Variants in ST8SIA5 observed in about 807,000 individuals in gnomAD.
ST8SIA5 encodes alpha-2,8-sialyltransferase 8E.
In ST8SIA5, 24 loss-of-function variants were observed where a neutral mutation model predicts 40.2. That is an observed-to-expected ratio of 0.60 (90% confidence interval 0.43 to 0.84). ST8SIA5 has a LOEUF of 0.84. ST8SIA5 is among the 40% of genes least tolerant of loss of function. The probability of loss-of-function intolerance (pLI) is 0.00; values close to 1 mark genes in which losing one functional copy is unlikely to be tolerated. For synonymous variants in ST8SIA5, 198 were observed against 201.8 expected, an observed-to-expected ratio of 0.98 and a Z score of 0.16; for missense variants, 465 against 498.5, an observed-to-expected ratio of 0.93 and a Z score of 0.64.
At chr18:46,753,981 T>C (rs2040218431) in intron 1 of ST8SIA5, among the ~76,000 whole-genome samples, 1 of 152,146 alleles carries the variant, frequency 6.6e-6, no homozygotes, top group South Asian at 2.1e-4. Context: ...CAGTTGGTTC[T>C]GATTCAGGCC....
chr18:46,748,358 G>A (rs1051840989), intron 1 of ST8SIA5, among the ~76,000 whole-genome samples: 1 of 152,022 alleles, frequency 6.6e-6, no homozygotes, highest in Non-Finnish European at 1.5e-5. Context: ...GAGATTAGGA[G>A]TTCGAGACTA....
intron 1 of ST8SIA5, among the ~76,000 whole-genome samples, chr18:46,728,791 G>T (rs1020477089): frequency 2.0e-5 from 3 of 152,190 alleles, no homozygotes; most frequent in Non-Finnish European, 2.9e-5. Context: ...GTCAGTAGAG[G>T]ACAGGAAGGC....
At position 46,679,272 on chromosome 18, in the gene ST8SIA5, T is replaced by G. The variant is rs552808536; in HGVS notation, c.*770A>C. Reference sequence around the variant, plus strand: ...GTGGCTGGTTTGGTTTATTTCCTTCTCATCAAAAGAGCTAACGCAGGATTG... The same window carrying G: ...GTGGCTGGTTTGGTTTATTTCCTTCGCATCAAAAGAGCTAACGCAGGATTG... On this transcript the variant is annotated 3_prime_UTR_variant, in exon 7 of 7. Transcript: ENST00000315087. The G allele has an allele frequency of 3.3e-5, 5 of 152,366 alleles. No homozygotes were observed. The highest frequency in any genetic ancestry group is 1.2e-4 in the African/African-American group (5 of 41,574). 9.4% of individuals were successfully genotyped at this position (152,366 alleles called of 1,614,324 possible). A position where few individuals can be genotyped will look rare whatever the true frequency, so the allele number is the denominator to read the frequency against.
chr18:46,719,588 G>T (rs1334346560), intron 1 of ST8SIA5, among the ~76,000 whole-genome samples: 1 of 152,190 alleles, frequency 6.6e-6, no homozygotes, highest in Non-Finnish European at 1.5e-5. Context: ...TTCAGCCACT[G>T]ACTGGAGACA....
intron 5 of ST8SIA5, among the ~76,000 whole-genome samples, chr18:46,684,022 G>A (rs1235681713): frequency 6.6e-6 from 1 of 151,940 alleles, no homozygotes; most frequent in African/African-American, 2.4e-5. Context: ...CGGAGTCTCA[G>A]GGCATCTTGG....
chr18:46,686,150 G>A (rs2039444064), intron 5 of ST8SIA5, 24 bp downstream of exon 5: 2 of 1,608,630 alleles, frequency 1.2e-6, no homozygotes, highest in Non-Finnish European at 1.7e-6. Flanking sequence ...GTAGTGGCAA[G>A]GGCAGTGCCA....
intron 1 of ST8SIA5, among the ~76,000 whole-genome samples, chr18:46,741,192 C>A (rs545760039): frequency 2.2e-4 from 34 of 152,024 alleles, no homozygotes; most frequent in Non-Finnish European, 3.2e-4. Context: ...TAAAAAGGGG[C>A]AAACCGATGG....
intron 5 of ST8SIA5, among the ~76,000 whole-genome samples, chr18:46,682,324 T>G (rs754593521): frequency 2.0e-5 from 3 of 152,204 alleles, no homozygotes; most frequent in Non-Finnish European, 2.9e-5. Context: ...GTTACAAGCT[T>G]GGGTAGTCCC....
At chr18:46,747,041 C>T (rs1341806044) in intron 1 of ST8SIA5, among the ~76,000 whole-genome samples, 1 of 152,138 alleles carries the variant, frequency 6.6e-6, no homozygotes, top group Admixed American at 6.5e-5. Flanking sequence ...AACTGGATCC[C>T]TTCCTTACAC....
chr18:46,686,109 G>C, intron 5 of ST8SIA5, 65 bp downstream of exon 5: 7 of 1,498,992 alleles, frequency 4.7e-6, no homozygotes, highest in Non-Finnish European at 6.5e-6. Context: ...TTAGGGAACC[G>C]GGGGAAGAAT....
At chr18:46,746,776 A>AG (rs2040144689) in intron 1 of ST8SIA5, among the ~76,000 whole-genome samples, 1 of 151,784 alleles carries the variant, frequency 6.6e-6, no homozygotes, top group Non-Finnish European at 1.5e-5. Context: ...TCCTAAGCAA[A>AG]AAAAAACAAA....
chr18:46,718,316 T>C (rs1419859981), intron 1 of ST8SIA5, among the ~76,000 whole-genome samples: 18 of 121,366 alleles, frequency 1.5e-4, no homozygotes, highest in African/African-American at 5.3e-4. Flanking sequence ...AGCAATGGAG[T>C]GAAACTCTGT....
Position 46,674,047 on chromosome 18 carries a change from C to T in ST8SIA5, c.*5995G>A, listed in dbSNP as rs1226536529. 1 of 152,214 alleles carries T rather than the reference C, an allele frequency of 6.6e-6. No individual in the cohort carries two copies. The highest frequency in any genetic ancestry group is 1.5e-5 in the Non-Finnish European group (1 of 68,072). 9.4% of individuals were successfully genotyped at this position (152,214 alleles called of 1,614,324 possible). ...CCCCTTCGCATCTGGAGCAGACATC[C>T]TGCAAAGCTCAGCTCACCTGTTTCC... is the stretch of plus-strand genomic sequence containing the variant. On this transcript the variant is annotated 3_prime_UTR_variant, in exon 7 of 7. Transcript: ENST00000315087.
intron 5 of ST8SIA5, among the ~76,000 whole-genome samples, chr18:46,685,593 C>T (rs894704681): frequency 2.0e-5 from 3 of 152,254 alleles, no homozygotes; most frequent in Non-Finnish European, 2.9e-5. Context: ...CTGAGTGGCC[C>T]GATGATTGTG....
rs764200981 is a variant in ST8SIA5 at position 46,675,119 on chromosome 18, G to A, written c.*4923C>T. On this transcript the variant is annotated 3_prime_UTR_variant, in exon 7 of 7. Coordinates refer to ENST00000315087, the MANE Select transcript of ST8SIA5 (RefSeq NM_013305.6). ...AGCAGAGGGGTTGCAGGGAGGGAATGACTTAAAGGGATGTTTATGAGTTGG... is the reference window on the plus strand; with the variant it reads ...AGCAGAGGGGTTGCAGGGAGGGAATAACTTAAAGGGATGTTTATGAGTTGG... 2 of 152,212 alleles carry A rather than the reference G, an allele frequency of 1.3e-5. No individual in the cohort carries two copies. The highest frequency in any genetic ancestry group is 2.9e-5 in the Non-Finnish European group (2 of 68,064). 9.4% of individuals were successfully genotyped at this position (152,212 alleles called of 1,614,324 possible).
rs1422651397 is a variant in ST8SIA5, at chr18:46,680,039, C to G, written c.*3G>C. ...GCTTGCCGGGCAGCCTGGCTGGCAGCCATCAGCAGCAGCTGCAGGTGCCCG... is the reference window on the plus strand; with the variant it reads ...GCTTGCCGGGCAGCCTGGCTGGCAGGCATCAGCAGCAGCTGCAGGTGCCCG... On this transcript the variant is annotated 3_prime_UTR_variant, in exon 7 of 7. Coordinates refer to ENST00000315087, the MANE Select transcript of ST8SIA5 (RefSeq NM_013305.6). 2 of 1,596,682 alleles carry G rather than the reference C, an allele frequency of 1.3e-6. No individual in the cohort carries two copies. Among genetic ancestry groups the G allele is most frequent in the South Asian group, 2.3e-5 (2 of 88,434 alleles).
chr18:46,739,561 G>A (rs1433318719), intron 1 of ST8SIA5, among the ~76,000 whole-genome samples: 1 of 152,164 alleles, frequency 6.6e-6, no homozygotes, highest in Non-Finnish European at 1.5e-5. Context: ...GGCTGACAGG[G>A]GAGAAACATT....
chr18:46,715,036 GC>G (rs2144517887), intron 1 of ST8SIA5, among the ~76,000 whole-genome samples: 1 of 152,272 alleles, frequency 6.6e-6, no homozygotes, highest in East Asian at 1.9e-4. Flanking sequence ...GCCCCAAGAA[GC>G]CCACATCAGG....
rs2039374359 is a variant in ST8SIA5 at position 46,680,170 on chromosome 18, G to T, written c.1003C>A (p.His335Asn). The T allele has an allele frequency of 3.7e-6, 6 of 1,614,222 alleles. No individual in the cohort carries two copies. Among genetic ancestry groups the T allele is most frequent in the Non-Finnish European group, 4.2e-6 (5 of 1,180,036 alleles). The change falls in exon 7 of 7, where the codon CAC becomes AAC. Residue 335 changes from histidine to asparagine, a missense_variant. Coordinates refer to ENST00000315087, the MANE Select transcript of ST8SIA5 (RefSeq NM_013305.6). Reference protein sequence around the residue: ...PMNPSGLYITHHYYDNVKPRP... With the variant: ...PMNPSGLYITNHYYDNVKPRP... ...GGCTTGACGTTGTCATAGTAGTGGTGAGTGATGTAGAGGCCCGAGGGGTTC... is the reference window on the plus strand; with the variant it reads ...GGCTTGACGTTGTCATAGTAGTGGTTAGTGATGTAGAGGCCCGAGGGGTTC...
Sources: gnomAD v4.1 joint callset for allele counts (sites outside exome capture counted in the v4.1 genomes callset) on GRCh38, gnomAD v4.1.1 for gene constraint, MANE v1.5 for transcripts, NCBI Gene and HGNC (gene_info 2026-07-23, HGNC 2026-07-21) for gene names.